SLC6A11: variants seen among roughly 807,000 people sequenced by gnomAD.
The protein encoded by SLC6A11 is solute carrier family 6 member 11, also known as sodium- and chloride-dependent GABA transporter 3.
SLC6A11 carries 25 observed loss-of-function variants against 74.8 expected under a neutral mutation model. The observed-to-expected ratio is 0.33, with a 90% CI of 0.24 to 0.47. The LOEUF (loss-of-function observed/expected upper bound fraction) is 0.47. Among genes scored for constraint, SLC6A11 ranks in the 20% least tolerant of loss-of-function variants. SLC6A11 has a pLI of 1.00. For synonymous variants in SLC6A11, 330 were observed against 330.2 expected (o/e 1.00, Z 0.01); for missense variants, 574 against 837.0 (o/e 0.69, Z 3.88).
intron 5 of SLC6A11, among the ~76,000 whole-genome samples, chr3:10,853,936 C>T (rs980524814): frequency 6.6e-6 from 1 of 152,160 alleles, no homozygotes; most frequent in African/African-American, 2.4e-5. Flanking sequence ...GTGCACCCTG[C>T]CAGGGCCCTG....
intron 4 of SLC6A11, among the ~76,000 whole-genome samples, chr3:10,843,805 C>G (rs1694467913): frequency 6.6e-6 from 1 of 152,120 alleles, no homozygotes; most frequent in Non-Finnish European, 1.5e-5. Flanking sequence ...ACCTGTTGGC[C>G]AAACAATGTT....
intron 5 of SLC6A11, among the ~76,000 whole-genome samples, chr3:10,851,676 G>A (rs866493149): frequency 1.6e-4 from 25 of 152,314 alleles, no homozygotes; most frequent in Middle Eastern, 6.8e-3. Flanking sequence ...TGCGAATATC[G>A]TCCCCATTTC....
chr3:10,889,061 C>T (rs1695078014), intron 6 of SLC6A11, among the ~76,000 whole-genome samples: 1 of 152,064 alleles, frequency 6.6e-6, no homozygotes, highest in Non-Finnish European at 1.5e-5. Flanking sequence ...CAAAATTGCA[C>T]ATTAAATTTT....
chr3:10,826,323 G>C (rs904149495), intron 4 of SLC6A11, among the ~76,000 whole-genome samples: 5 of 152,206 alleles, frequency 3.3e-5, no homozygotes, highest in Admixed American at 2.0e-4. Flanking sequence ...CTTCTGGGCT[G>C]GGTGGGCCTG....
At chr3:10,903,957 A>AC (rs1695272253) in intron 6 of SLC6A11, among the ~76,000 whole-genome samples, 1 of 152,244 alleles carries the variant, frequency 6.6e-6, no homozygotes, top group Admixed American at 6.5e-5. Context: ...TAGACATTCT[A>AC]CTTGCATGAT....
intron 4 of SLC6A11, among the ~76,000 whole-genome samples, chr3:10,843,009 G>A (rs956568547): frequency 1.3e-5 from 2 of 152,152 alleles, no homozygotes; most frequent in Non-Finnish European, 1.5e-5. Flanking sequence ...CTCAAAGGAC[G>A]TTCACAGAGT....
chr3:10,914,799 C>T (rs968235156), intron 7 of SLC6A11, among the ~76,000 whole-genome samples: 3 of 152,152 alleles, frequency 2.0e-5, no homozygotes, highest in Non-Finnish European at 2.9e-5. Flanking sequence ...CCAAGTCTGA[C>T]CCCCTTGGGA....
chr3:10,816,835 G>T lies in SLC6A11; in HGVS notation c.256+314G>T, dbSNP rs1054385279. Among the ~76,000 whole-genome samples, 2 of 152,234 alleles carry T rather than the reference G, an allele frequency of 1.3e-5. No individual in the cohort carries two copies. Among genetic ancestry groups the T allele is most frequent in the Non-Finnish European group, 1.5e-5 (1 of 68,032 alleles). On this transcript the variant is annotated intron_variant, in intron 1 of 13. Transcript: ENST00000254488. The surrounding 1 kb of genome is among the most constrained non-coding windows in gnomAD (Gnocchi z 4.2). ...TTGGGTAGGCGCCCTGGTGTTTCGG[G>T]CACTTGGCCCCTTGGAGCCTCAGCT...
Position 10,918,325 on chromosome 3 carries a change from A to C in SLC6A11, c.996-4A>C, listed in dbSNP as rs1185352205. 1 of 1,583,460 alleles carries C rather than the reference A, an allele frequency of 6.3e-7. No individual in the cohort carries two copies. Among genetic ancestry groups the C allele is most frequent in the South Asian group, 1.1e-5 (1 of 87,048 alleles). Reference sequence around the variant, plus strand: ...CCCTAGTGCCTCTCGCTGCTTCCCCACAGGGACTGCATCATGCTCTGTTGC... The same window carrying C: ...CCCTAGTGCCTCTCGCTGCTTCCCCCCAGGGACTGCATCATGCTCTGTTGC... On this transcript the variant is annotated splice_polypyrimidine_tract_variant and splice_region_variant and intron_variant, in intron 7 of 13. Transcript: ENST00000254488. The surrounding 1 kb of genome is among the most constrained non-coding windows in gnomAD (Gnocchi z 4.5).
chr3:10,852,713 C>T (rs367662401), intron 5 of SLC6A11, among the ~76,000 whole-genome samples: 3 of 152,208 alleles, frequency 2.0e-5, no homozygotes, highest in South Asian at 2.1e-4. Context: ...CCCTGGGAAA[C>T]GGGAAGCCAC....
At chr3:10,916,580 C>T (rs1040259834) in intron 7 of SLC6A11, among the ~76,000 whole-genome samples, 1 of 152,182 alleles carries the variant, frequency 6.6e-6, no homozygotes, top group East Asian at 1.9e-4. Context: ...TAGAAAATCA[C>T]AGAAATGATA....
intron 6 of SLC6A11, among the ~76,000 whole-genome samples, chr3:10,903,516 C>T (rs1419644855): frequency 6.6e-6 from 1 of 152,196 alleles, no homozygotes; most frequent in African/African-American, 2.4e-5. Context: ...AGTGTAAGCT[C>T]CTTAAGGGTA....
At chr3:10,827,953 G>T (rs563396297) in intron 4 of SLC6A11, among the ~76,000 whole-genome samples, 1 of 152,276 alleles carries the variant, frequency 6.6e-6, no homozygotes, top group East Asian at 1.9e-4. Flanking sequence ...ACTCTTATGG[G>T]GGTCCTACAG....
intron 4 of SLC6A11, chr3:10,824,931 T>C (rs7618049): frequency 0.52 from 79,022 of 152,092 alleles, 24,094 homozygotes; most frequent in African/African-American, 0.84. Context: ...CACCTGTAAT[T>C]CCAGCACTTT....
chr3:10,891,810 G>A (rs1695110660), intron 6 of SLC6A11, among the ~76,000 whole-genome samples: 1 of 152,178 alleles, frequency 6.6e-6, no homozygotes, highest in South Asian at 2.1e-4. Flanking sequence ...GACCAGACAT[G>A]GAATCAGGTC....
Position 10,935,136 on chromosome 3 carries a change from C to A in SLC6A11, c.1683C>A (p.Ser561=), listed in dbSNP as rs777728001. ...TTGGCTGGCTCATGGCCCTGTCCTC[C>A]ATGCTCTGCATCCCGCTCTGGATCT... ...YGIGWLMALS[S]MLCIPLWICI... is the part of the protein sequence containing the mutation. Residue 561 remains serine (S), a synonymous_variant, in exon 13 of 14, where the codon TCC becomes TCA. Coordinates refer to ENST00000254488, the MANE Select transcript of SLC6A11 (RefSeq NM_014229.3). 8 of 1,614,238 alleles carry A rather than the reference C, an allele frequency of 5.0e-6. No individual in the cohort carries two copies. The South Asian group carries it at 7.7e-5, about 16-fold the overall frequency.
intron 6 of SLC6A11, among the ~76,000 whole-genome samples, chr3:10,898,241 T>A (rs368880559): frequency 1.3e-5 from 2 of 152,344 alleles, no homozygotes; most frequent in South Asian, 2.1e-4. Flanking sequence ...CCTATTGTTT[T>A]GGGGATTAAC....
chr3:10,829,534 C>T (rs1289573434), intron 4 of SLC6A11, among the ~76,000 whole-genome samples: 2 of 152,174 alleles, frequency 1.3e-5, no homozygotes, highest in Non-Finnish European at 2.9e-5. Context: ...CCCCACCATA[C>T]CCCCAACACA....
chr3:10,901,619 C>G (rs1463570942), intron 6 of SLC6A11, among the ~76,000 whole-genome samples: 1 of 152,202 alleles, frequency 6.6e-6, no homozygotes, highest in Non-Finnish European at 1.5e-5. Context: ...GCCCTGCCTG[C>G]CTGCCCAGCA....
Sources: gnomAD v4.1 joint callset for allele counts (sites outside exome capture counted in the v4.1 genomes callset) on GRCh38, gnomAD v4.1.1 for gene constraint, Gnocchi (gnomAD v3.1) non-coding constraint, MANE v1.5 for transcripts, NCBI Gene and HGNC (gene_info 2026-07-23, HGNC 2026-07-21) for gene names.